VPS13B: variants seen among roughly 807,000 people sequenced by gnomAD.
The protein encoded by VPS13B is vacuolar protein sorting 13 homolog B.
Under a neutral mutation model 426.4 loss-of-function variants are expected in VPS13B, and 285 were observed. The ratio of observed to expected loss-of-function variants is 0.67; its 90% CI spans 0.61 to 0.74. The LOEUF (loss-of-function observed/expected upper bound fraction) is 0.74, where lower values mean the gene tolerates loss of function less well. VPS13B is among the 30% of genes least tolerant of loss of function. The probability of loss-of-function intolerance (pLI) is 0.00; values close to 1 mark genes in which losing one functional copy is unlikely to be tolerated. For missense variants in VPS13B, 4,537 were observed against 4,782.6 expected (o/e 0.95, Z 1.51); for synonymous variants, 1,676 against 1,676.4 (o/e 1.00, Z 0.01).
chr8:99,697,899 TG>T, intron 35 of VPS13B: 2 of 482,278 alleles, frequency 4.1e-6, no homozygotes, highest in South Asian at 3.5e-5. Context: ...GTGATTGAGT[TG>T]GTGGACAAAG....
At chr8:99,670,045 A>G (rs574956706) in intron 35 of VPS13B, among the ~76,000 whole-genome samples, 1 of 152,196 alleles carries the variant, frequency 6.6e-6, no homozygotes, top group Admixed American at 6.5e-5. Flanking sequence ...ATATGAATAT[A>G]AAGTAGAAAT....
intron 35 of VPS13B, among the ~76,000 whole-genome samples, chr8:99,691,404 A>T (rs959913928): frequency 6.6e-6 from 1 of 152,164 alleles, no homozygotes; most frequent in African/African-American, 2.4e-5. Context: ...AAGGTGTTTT[A>T]AAAAATAATT....
At chr8:99,393,460 A>G (rs1007944516) in intron 21 of VPS13B, among the ~76,000 whole-genome samples, 1 of 152,166 alleles carries the variant, frequency 6.6e-6, no homozygotes, top group Non-Finnish European at 1.5e-5. Flanking sequence ...TAAATTTTAA[A>G]TTATTAATCT....
intron 35 of VPS13B, among the ~76,000 whole-genome samples, chr8:99,677,193 T>C (rs775246340): frequency 6.6e-6 from 1 of 152,248 alleles, no homozygotes; most frequent in Non-Finnish European, 1.5e-5. Flanking sequence ...TTTTAAATCA[T>C]ATTTAATCCT....
intron 13 of VPS13B, among the ~76,000 whole-genome samples, chr8:99,144,334 AT>A (rs1297382423): frequency 2.0e-5 from 3 of 151,550 alleles, no homozygotes; most frequent in African/African-American, 7.3e-5. Flanking sequence ...TCTACAAAAG[AT>A]TAAAAAAAAA....
chr8:99,071,683 G>A (rs181036865), intron 3 of VPS13B, among the ~76,000 whole-genome samples: 1 of 152,266 alleles, frequency 6.6e-6, no homozygotes, highest in African/African-American at 2.4e-5. Flanking sequence ...GTAGCCCAGG[G>A]TGGGTCTAGA....
rs1376542830 is a variant in VPS13B at position 99,587,792 on chromosome 8, G to A, written c.5220+10159G>A. Among the ~76,000 whole-genome samples the A allele has an allele frequency of 4.0e-5, 6 of 151,744 alleles. 1 individual carries two copies. The highest frequency in any genetic ancestry group is 1.5e-4 in the African/African-American group (6 of 41,042). Reference sequence around the variant, plus strand: ...AGGTTGCCTGTTCACTCTGATGGTAGTTTCTTTTGCTGTGCAGAAGCCCTT... The same window carrying A: ...AGGTTGCCTGTTCACTCTGATGGTAATTTCTTTTGCTGTGCAGAAGCCCTT... On this transcript the variant is annotated intron_variant, in intron 33 of 61. Transcript: ENST00000357162.
chr8:99,174,684 T>C (rs977501986), intron 16 of VPS13B, among the ~76,000 whole-genome samples: 12 of 152,226 alleles, frequency 7.9e-5, no homozygotes, highest in African/African-American at 2.4e-5. Context: ...ATATATGATT[T>C]GCAAGTATTT....
chr8:99,151,150 A>G (rs982333171), intron 14 of VPS13B, among the ~76,000 whole-genome samples: 5 of 152,206 alleles, frequency 3.3e-5, no homozygotes, highest in Non-Finnish European at 7.3e-5. Flanking sequence ...ATCATTTCAT[A>G]TGCTTATTTG....
intron 33 of VPS13B, among the ~76,000 whole-genome samples, chr8:99,640,053 A>AGAAGAAGAAGAAGAAGAAG (rs1364476294): frequency 4.1e-5 from 2 of 48,780 alleles, no homozygotes; most frequent in African/African-American, 1.9e-4. Flanking sequence ...GAAGAAGAGA[A>AGAAGAAGAAGAAGAAGAAG]AAGAAAAGAA....
chr8:99,231,012 TTTG>T (rs1441622713), intron 17 of VPS13B, among the ~76,000 whole-genome samples: 3 of 152,244 alleles, frequency 2.0e-5, no homozygotes, highest in African/African-American at 7.2e-5. Context: ...ATCTGGACTT[TTTG>T]TTAATGTTTC....
intron 33 of VPS13B, among the ~76,000 whole-genome samples, chr8:99,630,541 T>C (rs1828799119): frequency 6.6e-6 from 1 of 152,168 alleles, no homozygotes; most frequent in Non-Finnish European, 1.5e-5. Context: ...AGGAATCTAA[T>C]GAGCACCTTG....
At chr8:99,094,529 A>G (rs1846325613) in intron 3 of VPS13B, among the ~76,000 whole-genome samples, 1 of 152,204 alleles carries the variant, frequency 6.6e-6, no homozygotes, top group African/African-American at 2.4e-5. Context: ...GTTCATGAGA[A>G]AATTTTCAGT....
chr8:99,460,865 G>A (rs374020882), intron 23 of VPS13B, among the ~76,000 whole-genome samples: 3 of 152,090 alleles, frequency 2.0e-5, no homozygotes, highest in Admixed American at 6.6e-5. Flanking sequence ...CCTCATAGTT[G>A]TGCTAGTGGA....
At chr8:99,164,391 G>T (rs897962076) in intron 15 of VPS13B, among the ~76,000 whole-genome samples, 1 of 152,062 alleles carries the variant, frequency 6.6e-6, no homozygotes, top group South Asian at 2.1e-4. Flanking sequence ...GCAGCATCTC[G>T]TACTATCCCT....
intron 39 of VPS13B, among the ~76,000 whole-genome samples, chr8:99,736,865 C>A (rs1833853994): frequency 4.6e-5 from 7 of 151,976 alleles, no homozygotes; most frequent in Admixed American, 4.6e-4. Flanking sequence ...ATGTATCATT[C>A]TTATTTTATA....
At chr8:99,711,394 T>C (rs1439327402) in intron 36 of VPS13B, among the ~76,000 whole-genome samples, 2 of 152,232 alleles carry the variant, frequency 1.3e-5, no homozygotes. Context: ...TTTCTGGCAA[T>C]GGCTGTTCCT....
intron 19 of VPS13B, among the ~76,000 whole-genome samples, chr8:99,379,934 A>T (rs771345952): frequency 6.6e-6 from 1 of 152,200 alleles, no homozygotes; most frequent in Non-Finnish European, 1.5e-5. Context: ...AGATTGAATT[A>T]TATATTCCTG....
chr8:99,556,738 C>A, intron 31 of VPS13B, 85 bp downstream of exon 31: 2 of 1,414,918 alleles, frequency 1.4e-6, no homozygotes, highest in Non-Finnish European at 2.0e-6. Flanking sequence ...CATGTCCAAC[C>A]AACCTAAGTA....
Sources: allele counts gnomAD v4.1 joint callset (sites outside exome capture counted in the v4.1 genomes callset), GRCh38; gene constraint gnomAD v4.1.1; transcripts MANE v1.5; gene names NCBI Gene and HGNC (gene_info 2026-07-23, HGNC 2026-07-21).